MLXIP: variants seen among roughly 807,000 people sequenced by gnomAD.
MLXIP encodes MLX interacting protein.
In MLXIP, 30 loss-of-function variants were observed where a neutral mutation model predicts 87.2. The ratio of observed to expected loss-of-function variants is 0.34; its 90% confidence interval spans 0.26 to 0.47. The LOEUF (loss-of-function observed/expected upper bound fraction) is 0.47, where lower values mean the gene tolerates loss of function less well. MLXIP is among the 20% of genes least tolerant of loss of function. The pLI is 1.00. For missense variants in MLXIP, 1,002 were observed against 1,240.1 expected, an observed-to-expected ratio of 0.81 and a Z score of 2.88; for synonymous variants, 530 against 514.0, an observed-to-expected ratio of 1.03 and a Z score of -0.42.
intron 1 of MLXIP, among the ~76,000 whole-genome samples, chr12:122,105,879 C>T (rs1952511985): frequency 1.3e-5 from 2 of 152,028 alleles, no homozygotes. Flanking sequence ...ACTTTAGAAC[C>T]TGATGTGACA....
At chr12:122,093,153 G>A (rs911363021) in intron 1 of MLXIP, among the ~76,000 whole-genome samples, 48 of 147,950 alleles carry the variant, frequency 3.2e-4, no homozygotes, top group African/African-American at 1.1e-3. Flanking sequence ...GTGTGTTGGC[G>A]TGTAGGGTAT....
rs1474906769 is a variant in MLXIP, at chr12:122,124,144, C to G, written c.414-3112C>G. On this transcript the variant is annotated intron_variant, in intron 1 of 16. Transcript: ENST00000319080. ...GCGTGCTGCATGAGGGGAACCTCCCCGCCTCAGCTGTCCCCCACCCTCAGC... is the reference window on the plus strand; with the variant it reads ...GCGTGCTGCATGAGGGGAACCTCCCGGCCTCAGCTGTCCCCCACCCTCAGC... Among the ~76,000 whole-genome samples the G allele has an allele frequency of 2.0e-5, 3 of 151,026 alleles. No homozygotes were observed. In the East Asian group the frequency reaches 5.9e-4, roughly 30 times the overall value.
Position 122,084,441 on chromosome 12 carries a change from G to A in MLXIP, c.413+5175G>A, listed in dbSNP as rs1250180626. ...GACCTGGGGAAAGAGTCCAGGTGAC[G>A]AGGTTAGAGGAGAGGATGGAGGGAG... On this transcript the variant is annotated intron_variant, in intron 1 of 16. Transcript: ENST00000319080. Among the ~76,000 whole-genome samples the A allele has an allele frequency of 1.3e-5, 2 of 152,196 alleles. 1 individual carries two copies. Among genetic ancestry groups the A allele is most frequent in the Non-Finnish European group, 2.9e-5 (2 of 68,030 alleles).
chr12:122,116,088 A>ACACACACACACACACACAC (rs1565973946), intron 1 of MLXIP, among the ~76,000 whole-genome samples: 2 of 145,944 alleles, frequency 1.4e-5, no homozygotes, highest in African/African-American at 5.1e-5. Context: ...ACACACACAC[A>ACACACACACACACACACAC]ACATTGACAT....
At chr12:122,101,103 C>T (rs372705994) in intron 1 of MLXIP, among the ~76,000 whole-genome samples, 3 of 152,172 alleles carry the variant, frequency 2.0e-5, no homozygotes, top group East Asian at 3.8e-4. Flanking sequence ...CAGACTATGT[C>T]CCCGGGCTAA....
chr12:122,101,131 C>A (rs1356257464), intron 1 of MLXIP, among the ~76,000 whole-genome samples: 1 of 152,138 alleles, frequency 6.6e-6, no homozygotes, highest in African/African-American at 2.4e-5. Context: ...TTACTTTTTG[C>A]CAATTATGAG....
chr12:122,123,567 T>C (rs778495226), intron 1 of MLXIP, among the ~76,000 whole-genome samples: 1 of 152,224 alleles, frequency 6.6e-6, no homozygotes, highest in Non-Finnish European at 1.5e-5. Context: ...GTTTCTAGCC[T>C]GTAAGGCTAA....
intron 15 of MLXIP, 152 bp downstream of exon 15, chr12:122,139,090 A>T: frequency 7.8e-7 from 1 of 1,279,056 alleles, no homozygotes; most frequent in South Asian, 1.5e-5. Context: ...CTCGGGAGAG[A>T]GTGGTCCGGC....
intron 1 of MLXIP, among the ~76,000 whole-genome samples, chr12:122,104,057 A>G (rs1322102958): frequency 6.6e-6 from 1 of 152,188 alleles, no homozygotes; most frequent in Non-Finnish European, 1.5e-5. Flanking sequence ...TGTGGTACCA[A>G]TTAATAGTCC....
chr12:122,116,534 C>T (rs1258313947), intron 1 of MLXIP, among the ~76,000 whole-genome samples: 10 of 152,182 alleles, frequency 6.6e-5, no homozygotes, highest in Non-Finnish European at 1.5e-4. Context: ...ATCTCCAGTC[C>T]GGAGGAGCAC....
At chr12:122,091,524 C>T (rs1424560581) in intron 1 of MLXIP, among the ~76,000 whole-genome samples, 1 of 152,118 alleles carries the variant, frequency 6.6e-6, no homozygotes, top group Non-Finnish European at 1.5e-5. Context: ...ATGGCAAAAC[C>T]TTGTGTCTGT....
intron 1 of MLXIP, among the ~76,000 whole-genome samples, chr12:122,095,083 TTG>T (rs1329837938): frequency 2.2e-5 from 3 of 134,832 alleles, no homozygotes; most frequent in African/African-American, 8.5e-5. Context: ...TTGGTGTATG[TTG>T]TGTGTGGTGT....
chr12:122,093,637 GTGGTGTGT>G (rs1285554086), intron 1 of MLXIP, among the ~76,000 whole-genome samples: 1 of 132,224 alleles, frequency 7.6e-6, no homozygotes, highest in African/African-American at 2.9e-5. Flanking sequence ...GTGTTGGTGT[GTGGTGTGT>G]TGGTGTGTGT....
intron 1 of MLXIP, among the ~76,000 whole-genome samples, chr12:122,115,931 A>G (rs955490698): frequency 1.3e-5 from 2 of 151,986 alleles, no homozygotes; most frequent in Non-Finnish European, 2.9e-5. Flanking sequence ...AGTACCTGTA[A>G]TCCCAGCTAC....
Position 122,135,430 on chromosome 12 carries a change from G to T in MLXIP, c.1855-59G>T, listed in dbSNP as rs1953069921. On this transcript the variant is annotated intron_variant, in intron 10 of 16. Coordinates refer to ENST00000319080, the MANE Select transcript of MLXIP (RefSeq NM_014938.6). This position sits in a 1 kb window ranked among gnomAD's most constrained non-coding sequence, Gnocchi z 5.3. ...GGGCGGCCCTCACCTGAGACGACTG[G>T]TGTGCCGCCCTGCTGTATATCAGCA... The T allele has an allele frequency of 6.2e-7, 1 of 1,604,732 alleles. No individual in the cohort carries two copies. The highest frequency in any genetic ancestry group is 1.3e-5 in the African/African-American group (1 of 74,828).
At chr12:122,130,961 G>A (rs765007357) in intron 7 of MLXIP, 28 bp downstream of exon 7, 52 of 1,493,604 alleles carry the variant, frequency 3.5e-5, no homozygotes, top group Admixed American at 1.2e-4. Context: ...AGAGAGCACG[G>A]TTGCCTCCAT....
intron 1 of MLXIP, among the ~76,000 whole-genome samples, chr12:122,106,438 G>A (rs778994739): frequency 6.6e-6 from 1 of 152,124 alleles, no homozygotes; most frequent in Admixed American, 6.5e-5. Context: ...GCCAGGGATG[G>A]CATTGTCACT....
intron 1 of MLXIP, among the ~76,000 whole-genome samples, chr12:122,107,015 C>T (rs529145486): frequency 1.2e-4 from 19 of 152,332 alleles, no homozygotes; most frequent in African/African-American, 4.3e-4. Flanking sequence ...CACGCCTCTC[C>T]TCTGAGAGCA....
chr12:122,087,076 G>T (rs1756845323), intron 1 of MLXIP, among the ~76,000 whole-genome samples: 1 of 152,152 alleles, frequency 6.6e-6, no homozygotes, highest in Admixed American at 6.5e-5. Flanking sequence ...ACTCTTGGCG[G>T]TTGTCTAATT....
Sources: allele counts gnomAD v4.1 joint callset (sites outside exome capture counted in the v4.1 genomes callset), GRCh38; gene constraint gnomAD v4.1.1; non-coding constraint Gnocchi (gnomAD v3.1); transcripts MANE v1.5; gene names NCBI Gene and HGNC (gene_info 2026-07-23, HGNC 2026-07-21).